Variants in STARD13 observed in about 807,000 individuals in gnomAD.
STARD13 encodes the protein StAR related lipid transfer domain containing 13, also known as stAR-related lipid transfer protein 13.
A neutral mutation model predicts 106.4 loss-of-function variants in STARD13; 62 were observed. The ratio of observed to expected loss-of-function variants is 0.58; its 90% CI spans 0.48 to 0.72. STARD13 has a LOEUF of 0.72. Ranked by LOEUF, STARD13 falls within the 30% of genes least tolerant of loss-of-function variation. The probability of loss-of-function intolerance (pLI) is 0.00; values close to 1 mark genes in which losing one functional copy is unlikely to be tolerated. For synonymous variants in STARD13, 565 were observed against 553.0 expected, an observed-to-expected ratio of 1.02 and a Z score of -0.31; for missense variants, 1,387 against 1,424.0, an observed-to-expected ratio of 0.97 and a Z score of 0.42.
chr13:33,519,379 A>C, the STARD13 span, among the ~76,000 whole-genome samples: 3 of 137,128 alleles, frequency 2.2e-5, no homozygotes, highest in Admixed American at 7.5e-5. Context: ...TTAAGATGGA[A>C]CCCCATCACC....
chr13:33,517,224 C>T, the STARD13 span, among the ~76,000 whole-genome samples: 1 of 152,028 alleles, frequency 6.6e-6, no homozygotes, highest in Non-Finnish European at 1.5e-5. Context: ...TCATCCTGCC[C>T]TCTTTTTTTG....
At chr13:33,529,132 A>G in the STARD13 span, among the ~76,000 whole-genome samples, 1 of 152,136 alleles carries the variant, frequency 6.6e-6, no homozygotes, top group African/African-American at 2.4e-5. Flanking sequence ...GCTCTTTCTG[A>G]TGGATTGAAT....
At position 33,130,384 on chromosome 13, in the gene STARD13, T is replaced by A; in HGVS notation, c.388-95A>T. On this transcript the variant is annotated intron_variant, in intron 4 of 13. Coordinates refer to ENST00000336934, the MANE Select transcript of STARD13 (RefSeq NM_178006.4). The surrounding 1 kb of genome is among the most constrained non-coding windows in gnomAD (Gnocchi z 4.1). Reference sequence around the variant, plus strand: ...GGGCAGCCCTGTGTGGTCCTCCACCTCCCTCCCCTCTGTCCTCCCATGCAC... The same window carrying A: ...GGGCAGCCCTGTGTGGTCCTCCACCACCCTCCCCTCTGTCCTCCCATGCAC... 8.3e-7 allele frequency: 1 copy of A among 1,208,244 alleles called. No individual in the cohort carries two copies. The highest frequency in any genetic ancestry group is 1.2e-6 in the Non-Finnish European group (1 of 860,176). The allele number at this position is 1,208,244 out of a possible 1,614,324, so 74.8% of individuals were successfully genotyped here.
At chr13:33,670,393 C>G in the STARD13 span, among the ~76,000 whole-genome samples, 2 of 152,106 alleles carry the variant, frequency 1.3e-5, no homozygotes, top group Non-Finnish European at 2.9e-5. Flanking sequence ...CACCAAAGAT[C>G]GCGTTGCATT....
chr13:33,630,497 C>A, the STARD13 span, among the ~76,000 whole-genome samples: 2 of 152,150 alleles, frequency 1.3e-5, no homozygotes, highest in African/African-American at 4.8e-5. Flanking sequence ...GTGTAGATTG[C>A]GTACCTTGCG....
intron 1 of STARD13, among the ~76,000 whole-genome samples, chr13:33,261,993 A>C (rs1393116107): frequency 6.6e-6 from 1 of 152,152 alleles, no homozygotes; most frequent in Admixed American, 6.5e-5. Context: ...TAGGAGGAGG[A>C]AGATGCTTCA....
chr13:33,230,640 C>A (rs1888871086), intron 1 of STARD13, among the ~76,000 whole-genome samples: 1 of 152,254 alleles, frequency 6.6e-6, no homozygotes, highest in Non-Finnish European at 1.5e-5. Context: ...TTGCTGAAAT[C>A]TCAGCCTATT....
chr13:33,613,404 GCAAA>G, the STARD13 span, among the ~76,000 whole-genome samples: 488 of 152,320 alleles, frequency 3.2e-3, 1 homozygote, highest in African/African-American at 0.011. Flanking sequence ...CCTTAGTAGT[GCAAA>G]CAAAGTTGTG....
Position 33,147,211 on chromosome 13 carries a change from A to G in STARD13, c.324-4838T>C, listed in dbSNP as rs117699610. Among the ~76,000 whole-genome samples, 38 of 152,336 alleles carry G rather than the reference A, an allele frequency of 2.5e-4. No homozygotes were observed. The East Asian group carries it at 7.3e-3, about 29-fold the overall frequency. ...AAAGCTTAAAAAGAATATCTGGGAG[A>G]ATGAGATGTCCATAGGGGACTTAGA... On this transcript the variant is annotated intron_variant, in intron 3 of 13. Transcript: ENST00000336934.
chr13:33,641,732 C>A, the STARD13 span, among the ~76,000 whole-genome samples: 1 of 152,054 alleles, frequency 6.6e-6, no homozygotes, highest in South Asian at 2.1e-4. Context: ...CCAGAAGAAG[C>A]CTGTGATATA....
intron 1 of STARD13, among the ~76,000 whole-genome samples, chr13:33,249,900 C>T (rs1192951266): frequency 6.6e-6 from 1 of 152,094 alleles, no homozygotes; most frequent in Non-Finnish European, 1.5e-5. Flanking sequence ...AACAATAGTC[C>T]CACCTCAGCC....
chr13:33,604,225 A>G, the STARD13 span, among the ~76,000 whole-genome samples: 9 of 152,224 alleles, frequency 5.9e-5, no homozygotes, highest in Admixed American at 3.9e-4. Flanking sequence ...TCAGCAATAC[A>G]TGTCAGACAG....
intron 1 of STARD13, among the ~76,000 whole-genome samples, chr13:33,186,380 C>T (rs1049974082): frequency 6.6e-6 from 1 of 152,160 alleles, no homozygotes. Flanking sequence ...ACTCTCCTCT[C>T]GTAAAGAAAC....
chr13:33,149,617 A>T (rs905897598), intron 3 of STARD13, among the ~76,000 whole-genome samples: 5 of 152,232 alleles, frequency 3.3e-5, no homozygotes, highest in African/African-American at 1.2e-4. Flanking sequence ...AGGGGAAAAT[A>T]GTCTATGGTT....
the STARD13 span, among the ~76,000 whole-genome samples, chr13:33,572,854 A>G: frequency 1.4e-3 from 219 of 152,174 alleles, no homozygotes; most frequent in Non-Finnish European, 2.4e-3. Context: ...AAGTATATGG[A>G]AGGATGCACA....
intron 1 of STARD13, among the ~76,000 whole-genome samples, chr13:33,311,227 G>T (rs1040544473): frequency 2.6e-5 from 4 of 151,934 alleles, no homozygotes; most frequent in Admixed American, 2.0e-4. Context: ...AGCCAGAGAG[G>T]TCAAGGCTGC....
chr13:33,568,983 C>T, the STARD13 span, among the ~76,000 whole-genome samples: 2 of 147,810 alleles, frequency 1.4e-5, no homozygotes, highest in African/African-American at 5.0e-5. Flanking sequence ...AATGGCTTCA[C>T]AAATATGACA....
intron 1 of STARD13, among the ~76,000 whole-genome samples, chr13:33,282,795 G>A (rs926028859): frequency 1.3e-5 from 2 of 152,092 alleles, no homozygotes; most frequent in African/African-American, 2.4e-5. Flanking sequence ...GTGAGGCTGA[G>A]GTAGGAAGAT....
intron 1 of STARD13, among the ~76,000 whole-genome samples, chr13:33,302,585 G>C (rs149307263): frequency 4.3e-4 from 66 of 152,038 alleles, no homozygotes; most frequent in South Asian, 2.5e-3. Flanking sequence ...ACCATACCTA[G>C]CTAATGTTTG....
Sources: gnomAD v4.1 joint callset for allele counts (sites outside exome capture counted in the v4.1 genomes callset) on GRCh38, gnomAD v4.1.1 for gene constraint, Gnocchi (gnomAD v3.1) non-coding constraint, MANE v1.5 for transcripts, NCBI Gene and HGNC (gene_info 2026-07-23, HGNC 2026-07-21) for gene names.